TNKS2: variants seen among roughly 807,000 people sequenced by gnomAD.
The protein encoded by TNKS2 is poly [ADP-ribose] polymerase tankyrase-2.
Under a neutral mutation model 137.6 loss-of-function variants are expected in TNKS2, and 72 were observed. The observed-to-expected ratio is 0.52, with a 90% CI of 0.43 to 0.64. The LOEUF (loss-of-function observed/expected upper bound fraction) is 0.64, where lower values mean the gene tolerates loss of function less well. Ranked by LOEUF, TNKS2 falls within the 30% of genes least tolerant of loss-of-function variation. The pLI, the probability that TNKS2 is intolerant of heterozygous loss-of-function variation, is 0.00. For synonymous variants in TNKS2, 516 were observed against 512.1 expected (o/e 1.01, Z -0.10); for missense variants, 1,049 against 1,410.2 (o/e 0.74, Z 4.10).
At chr10:91,834,479 TGA>T (rs1221987754) in intron 12 of TNKS2, among the ~76,000 whole-genome samples, 2 of 152,238 alleles carry the variant, frequency 1.3e-5, no homozygotes, top group Non-Finnish European at 2.9e-5. Flanking sequence ...TTGGCATAGA[TGA>T]AACATCTCAG....
chr10:91,845,892 C>G lies in TNKS2; in HGVS notation c.2310C>G (p.Asp770Glu), dbSNP rs775906979. The G allele has an allele frequency of 1.9e-6, 3 of 1,591,130 alleles. No homozygotes were observed. In the Admixed American group the frequency reaches 5.1e-5, roughly 27 times the overall value. Residue 770 changes from aspartate (D) to glutamate (E), a missense_variant, in exon 18 of 27, where the codon GAC (aspartate) becomes GAG (glutamate). Around this residue, in one of 6 missense-constraint regions of TNKS2, gnomAD observed 208 missense variants for 231.2 expected, o/e 0.90. Transcript: ENST00000371627. ...CTTTGTTGCTAGCCCATGGAGCTGACCCGACTCTTAAAAATCAGGAAGGAC... is the reference window on the plus strand; with the variant it reads ...CTTTGTTGCTAGCCCATGGAGCTGAGCCGACTCTTAAAAATCAGGAAGGAC... ...LCALLLAHGA[D>E]PTLKNQEGQT...
At chr10:91,830,809 AAAGT>A in intron 9 of TNKS2, 110 bp from the exon 10 acceptor site, 1 of 951,938 alleles carries the variant, frequency 1.1e-6, no homozygotes, top group Non-Finnish European at 1.5e-6. Context: ...AGTTGCGTCA[AAAGT>A]AAAACAAAAA....
chr10:91,826,954 A>C, intron 7 of TNKS2, 63 bp from the exon 8 acceptor site: 1 of 1,365,624 alleles, frequency 7.3e-7, no homozygotes, highest in South Asian at 2.0e-5. Flanking sequence ...TAAATTACAC[A>C]GTACGAATAA....
At chr10:91,851,181 T>A in intron 20 of TNKS2, 35 bp from the exon 21 acceptor site, 1 of 1,608,862 alleles carries the variant, frequency 6.2e-7, no homozygotes, top group Non-Finnish European at 8.5e-7. Flanking sequence ...ACCAAATAAG[T>A]AAGCATTCTA....
chr10:91,861,935 A>T (rs1842863753), intron 25 of TNKS2, 64 bp from the exon 26 acceptor site: 2 of 1,447,520 alleles, frequency 1.4e-6, no homozygotes, highest in Non-Finnish European at 1.9e-6. Flanking sequence ...TGCCGTGTCC[A>T]CACATTGTCA....
rs1844055316 is a variant in TNKS2, at chr10:91,798,805, C to G, written c.115C>G (p.Arg39Gly). 7.6e-7 allele frequency: 1 copy of G among 1,313,198 alleles called. No homozygotes were observed. Among genetic ancestry groups the G allele is most frequent in the Admixed American group, 3.7e-5 (1 of 27,168 alleles). The allele number at this position is 1,313,198 out of a possible 1,614,324, so 81.3% of individuals were successfully genotyped here. A position where few individuals can be genotyped will look rare whatever the true frequency, so the allele number is the denominator to read the frequency against. The part of the protein sequence containing the change: ...FEACRNGDVE[R>G]VKRLVTPEKV... ...GGCGTGCCGCAACGGGGACGTGGAA[C>G]GAGTCAAGAGGCTGGTGACGCCTGA... The change falls in exon 1 of 27, where the codon CGA (arginine) becomes GGA (glycine). Residue 39 changes from arginine (R) to glycine (G), a missense_variant. Arg to Gly is a moderately radical substitution (Grantham distance 125, BLOSUM62 -2). Around this residue, in one of 6 missense-constraint regions of TNKS2, gnomAD observed 374 missense variants for 460.8 expected, o/e 0.81. Transcript: ENST00000371627.
In TNKS2 at chr10:91,828,395, G is replaced by A; in HGVS notation, c.1093G>A (p.Glu365Lys). 6.3e-7 allele frequency: 1 copy of A among 1,586,876 alleles called. No individual in the cohort carries two copies. Among genetic ancestry groups the A allele is most frequent in the Non-Finnish European group, 8.5e-7 (1 of 1,169,746 alleles). Residue 365 changes from glutamate (E) to lysine (K), a missense_variant, in exon 9 of 27, where the codon GAA (glutamate) becomes AAA (lysine). By Grantham distance (56) the Glu-to-Lys change is moderately conservative (BLOSUM62 1). Around this residue, in one of 6 missense-constraint regions of TNKS2, gnomAD observed 374 missense variants for 460.8 expected, o/e 0.81. Transcript: ENST00000371627. ...GAATTTCAAGCATCCTCAAACACAT[G>A]AAACAGCATTGGTAATGTTTCAGAT... ...MVNFKHPQTH[E>K]TALHCAAASP...
At chr10:91,812,851 C>T in intron 1 of TNKS2, 132 bp from the exon 2 acceptor site, 1 of 1,451,116 alleles carries the variant, frequency 6.9e-7, no homozygotes, top group Non-Finnish European at 9.1e-7. Flanking sequence ...ATCACCTTTC[C>T]ATTAATTAGT....
intron 1 of TNKS2, among the ~76,000 whole-genome samples, chr10:91,808,730 A>T (rs1844406189): frequency 6.6e-6 from 1 of 152,194 alleles, no homozygotes; most frequent in African/African-American, 2.4e-5. Context: ...TGGAGATTTA[A>T]ATCTGAGGGT....
In TNKS2 at chr10:91,827,070, G is replaced by A; in HGVS notation, c.849G>A (p.Glu283=). ...TGTGGCAATTCACTCCTCTTCATGA[G>A]GCAGCTTCTAAGAACAGGGTTGAAG... ...MDLWQFTPLH[E]AASKNRVEVC... The change falls in exon 8 of 27, where the codon GAG becomes GAA. Residue 283 remains glutamate (E), a synonymous_variant. Transcript: ENST00000371627. 1 of 1,607,392 alleles carries A rather than the reference G, an allele frequency of 6.2e-7. No homozygotes were observed. Among genetic ancestry groups the A allele is most frequent in the Non-Finnish European group, 8.5e-7 (1 of 1,176,770 alleles).
intron 1 of TNKS2, among the ~76,000 whole-genome samples, chr10:91,803,394 C>T (rs1403683675): frequency 6.6e-6 from 1 of 152,034 alleles, no homozygotes; most frequent in Non-Finnish European, 1.5e-5. Flanking sequence ...ACAGAACTGA[C>T]ACTCTGGGAG....
At chr10:91,840,776 T>C in intron 14 of TNKS2, 70 bp downstream of exon 14, 1 of 1,417,752 alleles carries the variant, frequency 7.1e-7, no homozygotes, top group Non-Finnish European at 9.6e-7. Flanking sequence ...AACCTGGAAA[T>C]ATAATATGTT....
chr10:91,817,867 A>AG (rs1844762747), intron 3 of TNKS2, among the ~76,000 whole-genome samples: 1 of 151,962 alleles, frequency 6.6e-6, no homozygotes, highest in Non-Finnish European at 1.5e-5. Flanking sequence ...TCCCTTGTTA[A>AG]TGTGCTTTCC....
chr10:91,835,148 AG>A (rs1489919132), intron 12 of TNKS2, among the ~76,000 whole-genome samples: 30 of 152,256 alleles, frequency 2.0e-4, no homozygotes, highest in African/African-American at 7.2e-4. Flanking sequence ...TAACTATAAA[AG>A]TCTCATCAGT....
chr10:91,837,067 G>A, intron 13 of TNKS2, 69 bp downstream of exon 13: 1 of 1,484,178 alleles, frequency 6.7e-7, no homozygotes, highest in East Asian at 2.4e-5. Flanking sequence ...AATCTGTACT[G>A]TTACAATGAA....
At chr10:91,839,982 G>GTA (rs540237845) in intron 13 of TNKS2, among the ~76,000 whole-genome samples, 559 of 151,982 alleles carry the variant, frequency 3.7e-3, no homozygotes, top group African/African-American at 4.9e-3. Context: ...TAGTTTACCT[G>GTA]TATATATATA....
chr10:91,801,720 C>T (rs1317038943), intron 1 of TNKS2, among the ~76,000 whole-genome samples: 1 of 152,198 alleles, frequency 6.6e-6, no homozygotes, highest in East Asian at 1.9e-4. Flanking sequence ...GATCCGCCTG[C>T]CTCGGCCTCC....
At chr10:91,829,035 T>TA (rs529558654) in intron 9 of TNKS2, among the ~76,000 whole-genome samples, 80 of 152,154 alleles carry the variant, frequency 5.3e-4, no homozygotes, top group Non-Finnish European at 9.7e-4. Flanking sequence ...AAAAGAAACT[T>TA]AAAGGTAGAA....
Position 91,827,257 on chromosome 10 carries a change from A to AT in TNKS2, c.982+60dup. On this transcript the variant is annotated intron_variant, in intron 8 of 26. Transcript: ENST00000371627. ...AGGATATTATATCAATAAACTGAAC[A>AT]TTTTTTCTTTCCTGTTTGTTTTTAG... 3.8e-6 allele frequency: 5 copies of AT among 1,300,768 alleles called. No individual in the cohort carries two copies. In the South Asian group the frequency reaches 8.0e-5, roughly 21 times the overall value. 80.6% of individuals were successfully genotyped at this position (1,300,768 alleles called of 1,614,324 possible).
Sources: allele counts gnomAD v4.1 joint callset (sites outside exome capture counted in the v4.1 genomes callset), GRCh38; gene constraint gnomAD v4.1.1; regional missense constraint gnomAD v4.1.1; transcripts MANE v1.5; gene names NCBI Gene and HGNC (gene_info 2026-07-23, HGNC 2026-07-21).